Variants in CDYL2 observed in about 807,000 individuals in gnomAD.
The protein encoded by CDYL2 is chromodomain Y-like protein 2.
A neutral mutation model predicts 49.4 loss-of-function variants in CDYL2; 23 were observed. That is an observed-to-expected ratio of 0.47 (90% CI 0.34 to 0.66). CDYL2 has a LOEUF of 0.66. Ranked by LOEUF, CDYL2 falls within the 30% of genes least tolerant of loss-of-function variation. The probability of loss-of-function intolerance (pLI) is 0.01; values close to 1 mark genes in which losing one functional copy is unlikely to be tolerated. For synonymous variants in CDYL2, 360 were observed against 268.8 expected, an observed-to-expected ratio of 1.34 and a Z score of -3.32; for missense variants, 678 against 656.4, an observed-to-expected ratio of 1.03 and a Z score of -0.36.
At chr16:80,719,011 G>C (rs188237718) in intron 1 of CDYL2, among the ~76,000 whole-genome samples, 43 of 152,342 alleles carry the variant, frequency 2.8e-4, no homozygotes, top group African/African-American at 4.1e-4. Flanking sequence ...TACTGGGCTT[G>C]ACGACTTAAC....
intron 1 of CDYL2, among the ~76,000 whole-genome samples, chr16:80,713,930 A>G (rs1188734681): frequency 6.6e-6 from 1 of 152,148 alleles, no homozygotes; most frequent in African/African-American, 2.4e-5. Context: ...AGGATCAAAC[A>G]GCAGATGTCA....
chr16:80,606,750 A>AATG (rs991651096), intron 6 of CDYL2, among the ~76,000 whole-genome samples: 1 of 152,194 alleles, frequency 6.6e-6, no homozygotes, highest in Admixed American at 6.5e-5. Context: ...GAGATAATTC[A>AATG]ATGACGGGGG....
intron 1 of CDYL2, among the ~76,000 whole-genome samples, chr16:80,765,004 G>C (rs1906667038): frequency 6.8e-6 from 1 of 147,120 alleles, no homozygotes; most frequent in African/African-American, 2.5e-5. Flanking sequence ...AGCTTGCAGT[G>C]AGCCGAGATC....
intron 3 of CDYL2, among the ~76,000 whole-genome samples, chr16:80,629,485 G>T (rs148359779): frequency 6.6e-6 from 1 of 152,220 alleles, no homozygotes; most frequent in African/African-American, 2.4e-5. Context: ...AGTAGTGGTA[G>T]GATTGTGGGC....
rs144374158 is a variant in CDYL2 at position 80,787,328 on chromosome 16, G to C, written c.24+16822C>G. Among the ~76,000 whole-genome samples, 387 of 152,238 alleles carry C rather than the reference G, an allele frequency of 2.5e-3. 3 individuals carry two copies. Among genetic ancestry groups the C allele is most frequent in the African/African-American group, 8.9e-3 (370 of 41,562 alleles). On this transcript the variant is annotated intron_variant, in intron 1 of 6. Transcript: ENST00000570137. ...GGTAGAAACTACACAAGAAGACTTT[G>C]GTTCAATTTATACTACAGCACTTCC...
At chr16:80,771,433 G>C (rs540201543) in intron 1 of CDYL2, among the ~76,000 whole-genome samples, 1 of 152,348 alleles carries the variant, frequency 6.6e-6, no homozygotes, top group East Asian at 1.9e-4. Flanking sequence ...GGCCAGTGCA[G>C]TAGATCACCC....
intron 2 of CDYL2, among the ~76,000 whole-genome samples, chr16:80,644,678 A>T (rs1228986789): frequency 6.6e-6 from 1 of 152,194 alleles, no homozygotes; most frequent in Non-Finnish European, 1.5e-5. Context: ...ATACTTATTC[A>T]CTACCATGAG....
At chr16:80,786,939 G>C (rs1298912114) in intron 1 of CDYL2, among the ~76,000 whole-genome samples, 1 of 152,022 alleles carries the variant, frequency 6.6e-6, no homozygotes, top group African/African-American at 2.4e-5. Flanking sequence ...GGCTAGGGGA[G>C]GGATAACATT....
intron 1 of CDYL2, among the ~76,000 whole-genome samples, chr16:80,696,826 T>C (rs1283811397): frequency 2.0e-5 from 3 of 152,058 alleles, no homozygotes; most frequent in African/African-American, 7.2e-5. Flanking sequence ...CTTCTCCAAG[T>C]CTTCCAAAAA....
intron 1 of CDYL2, among the ~76,000 whole-genome samples, chr16:80,697,014 A>T (rs1399063691): frequency 6.6e-6 from 1 of 152,192 alleles, no homozygotes; most frequent in Admixed American, 6.5e-5. Context: ...TTTCTAAAAA[A>T]AAAATAAGTA....
intron 6 of CDYL2, among the ~76,000 whole-genome samples, chr16:80,606,054 C>T (rs1034054148): frequency 6.6e-6 from 1 of 152,248 alleles, no homozygotes; most frequent in African/African-American, 2.4e-5. Context: ...CGCTGGCCTC[C>T]ACCAGCCTCT....
chr16:80,670,126 T>A (rs922433677), intron 2 of CDYL2, among the ~76,000 whole-genome samples: 7 of 152,196 alleles, frequency 4.6e-5, no homozygotes, highest in African/African-American at 1.7e-4. Context: ...TCATTTCCTG[T>A]CTTCTTTTCC....
intron 1 of CDYL2, among the ~76,000 whole-genome samples, chr16:80,778,084 C>T (rs368814085): frequency 1.3e-5 from 2 of 151,662 alleles, no homozygotes; most frequent in South Asian, 2.1e-4. Flanking sequence ...CAGTAAGTAT[C>T]AAAAATGAAT....
At chr16:80,661,733 T>G (rs1014724800) in intron 2 of CDYL2, among the ~76,000 whole-genome samples, 3 of 152,186 alleles carry the variant, frequency 2.0e-5, no homozygotes, top group African/African-American at 7.2e-5. Context: ...AAAATGTGGA[T>G]GCCACATCTG....
In CDYL2 at chr16:80,619,777, C is replaced by G. The variant is rs527957896; in HGVS notation, c.1007+986G>C. Reference sequence around the variant, plus strand: ...ACACACGGGTATTTCGGAGCAGGGGCTCCAATGGCTGCTTCACCCTGAAGA... The same window carrying G: ...ACACACGGGTATTTCGGAGCAGGGGGTCCAATGGCTGCTTCACCCTGAAGA... On this transcript the variant is annotated intron_variant, in intron 4 of 6. Coordinates refer to ENST00000570137, the MANE Select transcript of CDYL2 (RefSeq NM_152342.4). 7.2e-5 allele frequency among the ~76,000 whole-genome samples: 11 copies of G among 152,324 alleles called. No individual in the cohort carries two copies. In the South Asian group the frequency reaches 2.3e-3, roughly 32 times the overall value.
chr16:80,721,275 C>G (rs1327228265), intron 1 of CDYL2, among the ~76,000 whole-genome samples: 2 of 152,220 alleles, frequency 1.3e-5, no homozygotes, highest in African/African-American at 4.8e-5. Flanking sequence ...CAACAGTCCT[C>G]TGAGGTGGTG....
At position 80,602,473 on chromosome 16, in the gene CDYL2, G is replaced by A. The variant is rs1340858797; in HGVS notation, c.*1915C>T. 2 of 152,194 alleles carry A rather than the reference G, an allele frequency of 1.3e-5. No homozygotes were observed. The highest frequency in any genetic ancestry group is 4.8e-5 in the African/African-American group (2 of 41,442). The allele number at this position is 152,194 out of a possible 1,614,324, so 9.4% of individuals were successfully genotyped here. A position where few individuals can be genotyped will look rare whatever the true frequency, so the allele number is the denominator to read the frequency against. ...ATTAACTTGAGGGTCACTGCTTAAA[G>A]GACCATGTCTCTAGATCTGGTGTAG... On this transcript the variant is annotated 3_prime_UTR_variant, in exon 7 of 7. Coordinates refer to ENST00000570137, the MANE Select transcript of CDYL2 (RefSeq NM_152342.4).
chr16:80,716,386 G>A (rs917331594), intron 1 of CDYL2, among the ~76,000 whole-genome samples: 1 of 152,232 alleles, frequency 6.6e-6, no homozygotes, highest in African/African-American at 2.4e-5. Context: ...GGATGGCTGG[G>A]TAGATGAATG....
At chr16:80,666,482 TG>T (rs1909268632) in intron 2 of CDYL2, among the ~76,000 whole-genome samples, 1 of 152,074 alleles carries the variant, frequency 6.6e-6, no homozygotes, top group African/African-American at 2.4e-5. Flanking sequence ...ATGCCCTTCA[TG>T]GGGGAGGGAG....
Sources: gnomAD v4.1 joint callset for allele counts (sites outside exome capture counted in the v4.1 genomes callset) on GRCh38, gnomAD v4.1.1 for gene constraint, MANE v1.5 for transcripts, NCBI Gene and HGNC (gene_info 2026-07-23, HGNC 2026-07-21) for gene names.